The following NEMP2 variants were observed in gnomAD, a reference collection of about 807,000 sequenced individuals.
NEMP2 encodes the protein nuclear envelope integral membrane protein 2.
A neutral mutation model predicts 54.2 loss-of-function variants in NEMP2; 53 were observed. That is an observed-to-expected ratio of 0.98 (90% CI 0.78 to 1.23). NEMP2 has a LOEUF of 1.23. Among genes scored for constraint, NEMP2 ranks in the 50% most tolerant of loss-of-function variants. NEMP2 has a pLI of 0.00. For missense variants in NEMP2, 455 were observed against 511.3 expected, an observed-to-expected ratio of 0.89 and a Z score of 1.06; for synonymous variants, 197 against 190.3, an observed-to-expected ratio of 1.04 and a Z score of -0.29.
At chr2:190,648,249 A>ACTTCGGACTCC in the NEMP2 span, 1 of 152,286 alleles carries the variant, frequency 6.6e-6, no homozygotes, top group Non-Finnish European at 1.5e-5. Flanking sequence ...TCAAAGCTGT[A>ACTTCGGACTCC]CTTCGGACTC....
chr2:190,600,407 A>G, the NEMP2 span, among the ~76,000 whole-genome samples: 9 of 152,204 alleles, frequency 5.9e-5, no homozygotes, highest in East Asian at 1.5e-3. The surrounding 1 kb of genome is among the most constrained non-coding windows in gnomAD (Gnocchi z 4.9). Context: ...TATTGTTTGA[A>G]TGTCATTTGT....
the NEMP2 span, among the ~76,000 whole-genome samples, chr2:190,426,529 G>A: frequency 6.6e-6 from 1 of 152,002 alleles, no homozygotes; most frequent in Admixed American, 6.6e-5. The surrounding 1 kb of genome is among the most constrained non-coding windows in gnomAD (Gnocchi z 4.7). Flanking sequence ...TTGTTACATG[G>A]GTATATTGTG....
the NEMP2 span, among the ~76,000 whole-genome samples, chr2:190,472,666 G>A: frequency 6.6e-6 from 1 of 152,178 alleles, no homozygotes; most frequent in East Asian, 1.9e-4. Flanking sequence ...ACACTCTGCA[G>A]GATATTATCC....
At chr2:190,629,208 G>A in the NEMP2 span, among the ~76,000 whole-genome samples, 24 of 152,160 alleles carry the variant, frequency 1.6e-4, no homozygotes, top group East Asian at 5.8e-4. Flanking sequence ...GACACAGCCC[G>A]ATTCCCATGA....
rs1280421468 is a variant in NEMP2, at chr2:190,519,022, C to T, written c.375G>A (p.Arg125=). ...NEITIIINPY[R]ETVCFSVEPV... ...GCTCCACAGAGAAGCACACAGTCTC[C>T]CTGTATGGATTGATGATTATGGTTA... The change falls in exon 3 of 9, where the codon AGG becomes AGA. Residue 125 remains arginine, a synonymous_variant. Coordinates refer to ENST00000409150, the MANE Select transcript of NEMP2 (RefSeq NM_001142645.2). This position sits in a 1 kb window ranked among gnomAD's most constrained non-coding sequence, Gnocchi z 5.4. 6.4e-7 allele frequency: 1 copy of T among 1,550,956 alleles called. No individual in the cohort carries two copies. Among genetic ancestry groups the T allele is most frequent in the Non-Finnish European group, 8.7e-7 (1 of 1,146,814 alleles).
At chr2:190,611,310 C>T in the NEMP2 span, among the ~76,000 whole-genome samples, 1 of 152,178 alleles carries the variant, frequency 6.6e-6, no homozygotes, top group African/African-American at 2.4e-5. This position sits in a 1 kb window ranked among gnomAD's most constrained non-coding sequence, Gnocchi z 5.4. Context: ...TCATATTTGA[C>T]AATGCTTTCT....
rs747261834 is a variant in NEMP2 at position 190,507,583 on chromosome 2, G to C, written c.*1606C>G. On this transcript the variant is annotated 3_prime_UTR_variant, in exon 9 of 9. Transcript: ENST00000409150. The surrounding 1 kb of genome is among the most constrained non-coding windows in gnomAD (Gnocchi z 4.4). ...CTCATAAAATAGTTACCATAAATCT[G>C]AATGGAAAATATATCCTTTGGTTTT... The C allele has an allele frequency of 6.6e-6, 1 of 151,960 alleles. No individual in the cohort carries two copies. Among genetic ancestry groups the C allele is most frequent in the East Asian group, 1.9e-4 (1 of 5,202 alleles). The allele number at this position is 151,960 out of a possible 1,614,324, so 9.4% of individuals were successfully genotyped here.
the NEMP2 span, among the ~76,000 whole-genome samples, chr2:190,576,772 T>A: frequency 6.6e-6 from 1 of 152,140 alleles, no homozygotes; most frequent in Non-Finnish European, 1.5e-5. Flanking sequence ...CACGTGAGGC[T>A]GAATAAGGAT....
chr2:190,459,676 A>C, the NEMP2 span, among the ~76,000 whole-genome samples: 1 of 152,212 alleles, frequency 6.6e-6, no homozygotes, highest in Non-Finnish European at 1.5e-5. The surrounding 1 kb of genome is among the most constrained non-coding windows in gnomAD (Gnocchi z 5.3). Context: ...AGATATAAAC[A>C]TGGTCACAGC....
the NEMP2 span, among the ~76,000 whole-genome samples, chr2:190,447,544 C>G: frequency 6.6e-6 from 1 of 152,082 alleles, no homozygotes; most frequent in Non-Finnish European, 1.5e-5. This position sits in a 1 kb window ranked among gnomAD's most constrained non-coding sequence, Gnocchi z 4.5. Flanking sequence ...TATAAAGAAG[C>G]CACATTAAAA....
At chr2:190,624,965 A>C in the NEMP2 span, 2 of 152,266 alleles carry the variant, frequency 1.3e-5, no homozygotes, top group Non-Finnish European at 2.9e-5. Context: ...AAAAGTGTTG[A>C]CAAGGATGTG....
the NEMP2 span, among the ~76,000 whole-genome samples, chr2:190,600,102 T>A: frequency 6.6e-6 from 1 of 152,094 alleles, no homozygotes; most frequent in Non-Finnish European, 1.5e-5. This position sits in a 1 kb window ranked among gnomAD's most constrained non-coding sequence, Gnocchi z 4.9. Context: ...TTTTCGAAGG[T>A]TTCTTATCTT....
At chr2:190,495,027 G>C in the NEMP2 span, among the ~76,000 whole-genome samples, 1 of 152,124 alleles carries the variant, frequency 6.6e-6, no homozygotes, top group African/African-American at 2.4e-5. This position sits in a 1 kb window ranked among gnomAD's most constrained non-coding sequence, Gnocchi z 4.7. Context: ...AGGAAATAAA[G>C]GGCATCCAAA....
chr2:190,482,266 A>G, the NEMP2 span, among the ~76,000 whole-genome samples: 2 of 152,198 alleles, frequency 1.3e-5, no homozygotes, highest in Non-Finnish European at 2.9e-5. Flanking sequence ...CAAGAAAAGA[A>G]AACATTTAAT....
chr2:190,469,523 C>T, the NEMP2 span: 1 of 216,872 alleles, frequency 4.6e-6, no homozygotes, highest in Non-Finnish European at 8.9e-6. The surrounding 1 kb of genome is among the most constrained non-coding windows in gnomAD (Gnocchi z 5.3). Flanking sequence ...TTTGAAAAGG[C>T]TGAGGGCAGA....
At chr2:190,544,140 T>C in the NEMP2 span, among the ~76,000 whole-genome samples, 2 of 152,212 alleles carry the variant, frequency 1.3e-5, no homozygotes, top group African/African-American at 4.8e-5. Flanking sequence ...AAATCCCCAG[T>C]TTTAGAATTT....
At chr2:190,472,017 G>T in the NEMP2 span, among the ~76,000 whole-genome samples, 1 of 152,210 alleles carries the variant, frequency 6.6e-6, no homozygotes, top group Non-Finnish European at 1.5e-5. Context: ...CAACAGACCT[G>T]CAGCTGAGGC....
At chr2:190,540,086 T>C in the NEMP2 span, among the ~76,000 whole-genome samples, 1 of 152,182 alleles carries the variant, frequency 6.6e-6, no homozygotes, top group Non-Finnish European at 1.5e-5. Flanking sequence ...TATTTTGAGA[T>C]GTTTTTTCTA....
At chr2:190,538,244 G>A (rs941152990), upstream of NEMP2, among the ~76,000 whole-genome samples, 1 of 151,980 alleles carries the variant, frequency 6.6e-6, no homozygotes, top group Non-Finnish European at 1.5e-5. The surrounding 1 kb of genome is among the most constrained non-coding windows in gnomAD (Gnocchi z 4.1). Flanking sequence ...TCTGTGCTTG[G>A]CTTATTTCAC....
Sources: gnomAD v4.1 joint callset for allele counts (sites outside exome capture counted in the v4.1 genomes callset) on GRCh38, gnomAD v4.1.1 for gene constraint, Gnocchi (gnomAD v3.1) non-coding constraint, MANE v1.5 for transcripts, NCBI Gene and HGNC (gene_info 2026-07-23, HGNC 2026-07-21) for gene names.